MVB12A: variants seen among roughly 807,000 people sequenced by gnomAD.
The protein encoded by MVB12A is multivesicular body subunit 12A.
In MVB12A, 30 loss-of-function variants were observed where a neutral mutation model predicts 34.3. The observed-to-expected ratio is 0.88, with a 90% CI of 0.65 to 1.19. The LOEUF (loss-of-function observed/expected upper bound fraction) is 1.19, where lower values mean the gene tolerates loss of function less well. Among genes scored for constraint, MVB12A ranks in the 50% most tolerant of loss-of-function variants. The pLI, the probability that MVB12A is intolerant of heterozygous loss-of-function variation, is 0.00. For missense variants in MVB12A, 355 were observed against 369.2 expected (o/e 0.96, Z 0.31); for synonymous variants, 158 against 158.9 (o/e 0.99, Z 0.04).
In MVB12A at chr19:17,423,988, C is replaced by T; in HGVS notation, c.641-18C>T. On this transcript the variant is annotated intron_variant, in intron 6 of 8. Coordinates refer to ENST00000317040, the MANE Select transcript of MVB12A (RefSeq NM_138401.4). Reference sequence around the variant, plus strand: ...AGTTCCCTACACCTCACCTCCTCCCCTCGCACGTGTTTTTCAGCCATGGAT... The same window carrying T: ...AGTTCCCTACACCTCACCTCCTCCCTTCGCACGTGTTTTTCAGCCATGGAT... The T allele has an allele frequency of 6.2e-7, 1 of 1,614,028 alleles. No homozygotes were observed.
intron 2 of MVB12A, among the ~76,000 whole-genome samples, chr19:17,408,480 C>T (rs998475736): frequency 1.3e-5 from 2 of 150,466 alleles, no homozygotes; most frequent in Non-Finnish European, 1.5e-5. Context: ...GAGTCTCGCT[C>T]TTGTTGCCCA....
upstream of MVB12A, chr19:17,419,191 C>T (rs2074820241): frequency 6.6e-6 from 1 of 152,216 alleles, no homozygotes; most frequent in African/African-American, 2.4e-5. Context: ...TAGCATTCCT[C>T]TCCCTTCCTG....
At chr19:17,424,148 C>A in intron 7 of MVB12A, 81 bp downstream of exon 7, 1 of 1,395,942 alleles carries the variant, frequency 7.2e-7, no homozygotes, top group Non-Finnish European at 1.0e-6. Context: ...ATCCAGTGCC[C>A]CAGCACAGAG....
intron 7 of MVB12A, 147 bp from the exon 8 acceptor site, chr19:17,424,474 A>G: frequency 1.1e-6 from 1 of 901,656 alleles, no homozygotes. Context: ...CTAAAAACAA[A>G]ACAAAACAAA....
At chr19:17,424,487 A>G in intron 7 of MVB12A, 134 bp from the exon 8 acceptor site, 1 of 960,690 alleles carries the variant, frequency 1.0e-6, no homozygotes. Flanking sequence ...AAAACAAACA[A>G]GAAAAATAAG....
At chr19:17,424,765 T>G (rs1428740889) in intron 8 of MVB12A, 88 bp downstream of exon 8, 1 of 1,506,110 alleles carries the variant, frequency 6.6e-7, no homozygotes, top group Non-Finnish European at 9.0e-7. Context: ...CGCCCCAGGC[T>G]GTCCCAGTTT....
intron 1 of MVB12A, chr19:17,405,785 T>TTC (rs2074723545): frequency 4.0e-6 from 2 of 502,994 alleles, no homozygotes; most frequent in African/African-American, 2.0e-5. Context: ...GGCTTTTTTT[T>TTC]CACCCTGCTT....
chr19:17,410,529 T>TATATAC lies in MVB12A; in HGVS notation c.-5+4234_-5+4235insTATACA. Among the ~76,000 whole-genome samples, 145 of 74,408 alleles carry TATATAC rather than the reference T, an allele frequency of 1.9e-3. 1 individual carries two copies. Among genetic ancestry groups the TATATAC allele is most frequent in the Non-Finnish European group, 2.8e-3 (116 of 40,726 alleles). The allele number at this position is 74,408 out of a possible 152,430, so 48.8% of individuals were successfully genotyped here. A position where few individuals can be genotyped will look rare whatever the true frequency, so the allele number is the denominator to read the frequency against. On this transcript the variant is annotated intron_variant, in intron 2 of 6. Transcript: ENST00000528604. Reference sequence around the variant, plus strand: ...ATATATATATATATATATATATATATACACACACACATATATATATACACA... The same window carrying TATATAC: ...ATATATATATATATATATATATATATATATACACACACACACATATATATATACACA...
intron 2 of MVB12A, among the ~76,000 whole-genome samples, chr19:17,411,194 C>A (rs1008940961): frequency 2.6e-5 from 4 of 151,772 alleles, no homozygotes; most frequent in Non-Finnish European, 5.9e-5. Context: ...TCTCGATCTC[C>A]TGACCTCGTG....
intron 2 of MVB12A, among the ~76,000 whole-genome samples, chr19:17,412,581 T>C (rs28393701): frequency 0.038 from 5,805 of 152,238 alleles, 171 homozygotes; most frequent in African/African-American, 0.085. Flanking sequence ...TCTGCTTTCT[T>C]ATAGCGGGGG....
At chr19:17,407,535 G>C (rs1275847074) in intron 2 of MVB12A, among the ~76,000 whole-genome samples, 1 of 152,200 alleles carries the variant, frequency 6.6e-6, no homozygotes, top group South Asian at 2.1e-4. Context: ...GGCAGCCGAG[G>C]CAGAGAGAGA....
At chr19:17,421,591 A>G (rs189077138) in intron 3 of MVB12A, among the ~76,000 whole-genome samples, 3 of 152,238 alleles carry the variant, frequency 2.0e-5, no homozygotes, top group South Asian at 2.1e-4. Context: ...TGCATATTCA[A>G]TTTTTTTACA....
Position 17,420,059 on chromosome 19 carries a change from C to T in MVB12A, c.-77C>T, listed in dbSNP as rs1568390646. 1.4e-6 allele frequency: 1 copy of T among 695,052 alleles called. No individual in the cohort carries two copies. The highest frequency in any genetic ancestry group is 1.9e-6 in the Non-Finnish European group (1 of 530,838). The allele number at this position is 695,052 out of a possible 1,614,324, so 43.1% of individuals were successfully genotyped here. On this transcript the variant is annotated 5_prime_UTR_variant, in exon 1 of 9. Coordinates refer to ENST00000317040, the MANE Select transcript of MVB12A (RefSeq NM_138401.4). ...CCTTCTGGGAGTTGTAGTTCGGTCGCGAGCGCTGCCGTCGGGAGGCGCTCC... is the reference window on the plus strand; with the variant it reads ...CCTTCTGGGAGTTGTAGTTCGGTCGTGAGCGCTGCCGTCGGGAGGCGCTCC...
intron 2 of MVB12A, among the ~76,000 whole-genome samples, chr19:17,407,823 C>G (rs1412325891): frequency 3.3e-5 from 5 of 152,216 alleles, no homozygotes; most frequent in Non-Finnish European, 5.9e-5. Context: ...AGGAGCCTCC[C>G]TTTCCCGGTC....
At chr19:17,424,205 G>T (rs75639891) in intron 7 of MVB12A, 138 bp downstream of exon 7, 13,835 of 797,428 alleles carry the variant, frequency 0.017, 411 homozygotes, top group African/African-American at 0.098. Context: ...CCAGGTGGCA[G>T]CTGGAAGGTC....
In MVB12A at chr19:17,425,063, CTGCATCCTGGGGCCACCCCCA is replaced by C; in HGVS notation, c.*71_*91del. 1.8e-6 allele frequency: 1 copy of C among 553,120 alleles called. No individual in the cohort carries two copies. Among genetic ancestry groups the C allele is most frequent in the Non-Finnish European group, 2.8e-6 (1 of 362,310 alleles). The allele number at this position is 553,120 out of a possible 1,614,324, so 34.3% of individuals were successfully genotyped here. ...GCCAGCCTGGGGCCACCCCCCCTCA[CTGCATCCTGGGGCCACCCCCA>C]CTCACTGCATCCTGGGAACCTTCGC... On this transcript the variant is annotated 3_prime_UTR_variant, in exon 9 of 9. Coordinates refer to ENST00000317040, the MANE Select transcript of MVB12A (RefSeq NM_138401.4).
At chr19:17,415,491 C>T (rs116157317), upstream of MVB12A, 3,542 of 151,610 alleles carry the variant, frequency 0.023, 48 homozygotes, top group African/African-American at 0.035. Flanking sequence ...ATTTAGAGCC[C>T]GGCACCTGGT....
chr19:17,407,895 G>A (rs936603338), intron 2 of MVB12A, among the ~76,000 whole-genome samples: 7 of 152,206 alleles, frequency 4.6e-5, no homozygotes, highest in African/African-American at 1.7e-4. Context: ...TGTCCGCTCG[G>A]GCAACGGGCG....
chr19:17,424,603 C>T lies in MVB12A; in HGVS notation c.703-18C>T, dbSNP rs2074858444. 2 of 1,608,920 alleles carry T rather than the reference C, an allele frequency of 1.2e-6. No homozygotes were observed. The highest frequency in any genetic ancestry group is 1.3e-5 in the African/African-American group (1 of 74,886). On this transcript the variant is annotated intron_variant, in intron 7 of 8. Coordinates refer to ENST00000317040, the MANE Select transcript of MVB12A (RefSeq NM_138401.4). Reference sequence around the variant, plus strand: ...AGGTTGAGATCGGGCCCAAGGCTGACCCACCTCTGCCCGCCAGGCCTTCTC... The same window carrying T: ...AGGTTGAGATCGGGCCCAAGGCTGATCCACCTCTGCCCGCCAGGCCTTCTC...
Sources: allele counts gnomAD v4.1 joint callset (sites outside exome capture counted in the v4.1 genomes callset), GRCh38; gene constraint gnomAD v4.1.1; transcripts MANE v1.5; gene names NCBI Gene and HGNC (gene_info 2026-07-23, HGNC 2026-07-21).